Variants in LRRC47 observed in about 807,000 individuals in gnomAD.
The protein encoded by LRRC47 is leucine rich repeat containing 47.
LRRC47 carries 31 observed loss-of-function variants against 40.9 expected under a neutral mutation model. The ratio of observed to expected loss-of-function variants is 0.76; its 90% CI spans 0.57 to 1.02. The LOEUF (loss-of-function observed/expected upper bound fraction) is 1.02, where lower values mean the gene tolerates loss of function less well. LRRC47 is among the 50% of genes least tolerant of loss of function. The pLI, the probability that LRRC47 is intolerant of heterozygous loss-of-function variation, is 0.00. For synonymous variants in LRRC47, 427 were observed against 371.9 expected (o/e 1.15, Z -1.70); for missense variants, 726 against 796.1 (o/e 0.91, Z 1.06).
At chr1:3,795,590 C>T (rs1243512937) in intron 1 of LRRC47, among the ~76,000 whole-genome samples, 1 of 152,228 alleles carries the variant, frequency 6.6e-6, no homozygotes, top group Admixed American at 6.5e-5. Context: ...TACAAAATAG[C>T]GTACCACGTG....
chr1:3,795,760 C>G (rs1454799028), intron 1 of LRRC47, 102 bp downstream of exon 1: 2 of 1,357,744 alleles, frequency 1.5e-6, no homozygotes, highest in Non-Finnish European at 9.6e-7. Context: ...GGGCCCAGTG[C>G]CCCAGGGGGC....
chr1:3,783,879 A>C, intron 4 of LRRC47, 117 bp downstream of exon 4: 3 of 763,624 alleles, frequency 3.9e-6, no homozygotes, highest in Non-Finnish European at 6.3e-6. Flanking sequence ...CCCTGTTAAG[A>C]AGCTTCTGGG....
intron 1 of LRRC47, among the ~76,000 whole-genome samples, chr1:3,791,265 C>G (rs1309654310): frequency 2.6e-5 from 4 of 152,236 alleles, no homozygotes; most frequent in Non-Finnish European, 5.9e-5. Context: ...CTTTAAGCCT[C>G]GTGGTTTCGG....
chr1:3,792,148 C>T (rs1272184802), intron 1 of LRRC47, among the ~76,000 whole-genome samples: 1 of 152,186 alleles, frequency 6.6e-6, no homozygotes, highest in Non-Finnish European at 1.5e-5. Context: ...CCTTTGTGTG[C>T]GAAATTCCAA....
intron 1 of LRRC47, 60 bp downstream of exon 1, chr1:3,795,802 T>C: frequency 6.9e-7 from 1 of 1,445,972 alleles, no homozygotes; most frequent in Admixed American, 2.6e-5. Context: ...CCGAGAGGGG[T>C]TCCTTCTCCA....
chr1:3,788,935 T>C (rs1300247263), intron 1 of LRRC47, among the ~76,000 whole-genome samples: 1 of 152,080 alleles, frequency 6.6e-6, no homozygotes. Context: ...GCCCAGCTGC[T>C]GGGCACTACC....
intron 1 of LRRC47, among the ~76,000 whole-genome samples, chr1:3,795,099 G>T (rs993523819): frequency 6.8e-6 from 1 of 147,516 alleles, no homozygotes; most frequent in African/African-American, 2.5e-5. Flanking sequence ...ATTCAAAGAC[G>T]AAAAATGGGG....
At chr1:3,786,645 G>A (rs1349431598) in intron 2 of LRRC47, among the ~76,000 whole-genome samples, 1 of 152,208 alleles carries the variant, frequency 6.6e-6, no homozygotes, top group African/African-American at 2.4e-5. Flanking sequence ...AGGGGACTGA[G>A]GCCTTACCCC....
At chr1:3,788,194 A>C (rs1196818469) in intron 1 of LRRC47, among the ~76,000 whole-genome samples, 1 of 152,252 alleles carries the variant, frequency 6.6e-6, no homozygotes, top group African/African-American at 2.4e-5. Flanking sequence ...AAAGGGGCCC[A>C]TCCGCCTCCA....
At chr1:3,787,629 A>T (rs1040722861) in intron 1 of LRRC47, among the ~76,000 whole-genome samples, 3 of 152,146 alleles carry the variant, frequency 2.0e-5, no homozygotes, top group African/African-American at 7.2e-5. Flanking sequence ...CTCAATCATC[A>T]CGTTAGAGAA....
chr1:3,781,472 G>A (rs367686621), intron 6 of LRRC47, 40 bp downstream of exon 6: 52 of 1,594,706 alleles, frequency 3.3e-5, no homozygotes, highest in Non-Finnish European at 4.1e-5. Context: ...CACCACTCAC[G>A]CTCAAAAGCG....
rs1212984215 is a variant in LRRC47 at position 3,791,803 on chromosome 1, G to T, written c.615+4059C>A. 2.0e-5 allele frequency among the ~76,000 whole-genome samples: 3 copies of T among 152,004 alleles called. No individual in the cohort carries two copies. The East Asian group carries it at 5.8e-4, about 29-fold the overall frequency. On this transcript the variant is annotated intron_variant, in intron 1 of 6. Transcript: ENST00000378251. Reference sequence around the variant, plus strand: ...GGGTCTAGCTCTGTTGCCCAGGCTGGAGTGCAGTGGTGTGATCATGGCTCA... The same window carrying T: ...GGGTCTAGCTCTGTTGCCCAGGCTGTAGTGCAGTGGTGTGATCATGGCTCA...
rs757817514 is a variant in LRRC47, at chr1:3,787,270, G to A, written c.656C>T (p.Ala219Val). Residue 219 changes from alanine to valine, a missense_variant, in exon 2 of 7, where the codon GCA becomes GTA. Physicochemically the swap from Ala to Val is moderately conservative, Grantham distance 64. Coordinates refer to ENST00000378251, the MANE Select transcript of LRRC47 (RefSeq NM_020710.3). The part of the protein sequence containing the change: ...LSNNQLSEIP[A>V]ELADCPKLKE... ...GAGCTTGGGGCAGTCCGCAAGCTCT[G>A]CAGGGATCTCGCTCAGCTGGTTGTT... is the stretch of plus-strand genomic sequence containing the variant. The A allele has an allele frequency of 1.2e-6, 2 of 1,613,172 alleles. No homozygotes were observed. Among genetic ancestry groups the A allele is most frequent in the East Asian group, 2.2e-5 (1 of 44,884 alleles).
In LRRC47 at chr1:3,779,984, A is replaced by G. The variant is rs1233194113; in HGVS notation, c.*1104T>C. On this transcript the variant is annotated 3_prime_UTR_variant, in exon 7 of 7. Transcript: ENST00000378251. ...AACTTTTCCCCCCAAGATTATGATC[A>G]CTGCCAGCTGGAGAACCCAACGCCC... 6.6e-6 allele frequency: 1 copy of G among 152,190 alleles called. No individual in the cohort carries two copies. The highest frequency in any genetic ancestry group is 1.5e-5 in the Non-Finnish European group (1 of 68,052). The allele number at this position is 152,190 out of a possible 1,614,324, so 9.4% of individuals were successfully genotyped here.
Position 3,796,068 on chromosome 1 carries a change from T to C in LRRC47, c.409A>G (p.Ser137Gly). ...GGCAGCTCGCGCAGCCGGTTGCCGC[T>C]GAGGTTGAGGCTCTGCAGCTGCGGA... ...GLPQLQSLNL[S>G]GNRLRELPAD... Residue 137 changes from serine to glycine, a missense_variant, in exon 1 of 7, where the codon AGC (serine) becomes GGC (glycine). Physicochemically the swap from Ser to Gly is moderately conservative, Grantham distance 56 (BLOSUM62 0). Coordinates refer to ENST00000378251, the MANE Select transcript of LRRC47 (RefSeq NM_020710.3). 6.5e-7 allele frequency: 1 copy of C among 1,534,864 alleles called. No homozygotes were observed. Among genetic ancestry groups the C allele is most frequent in the Non-Finnish European group, 8.7e-7 (1 of 1,144,258 alleles).
intron 1 of LRRC47, 47 bp from the exon 2 acceptor site, chr1:3,787,357 A>G (rs1643585961): frequency 6.4e-7 from 1 of 1,550,770 alleles, no homozygotes; most frequent in East Asian, 2.2e-5. Context: ...CTCTGGGAAG[A>G]GAGTCCAAGG....
In LRRC47 at chr1:3,780,326, A is replaced by C. The variant is rs8379; in HGVS notation, c.*762T>G. 83,869 of 151,962 alleles carry C rather than the reference A, an allele frequency of 0.55. 25,550 individuals are homozygous for C. The highest frequency in any genetic ancestry group is 0.81 in the African/African-American group (33,395 of 41,464). 9.4% of individuals were successfully genotyped at this position (151,962 alleles called of 1,614,324 possible). A position where few individuals can be genotyped will look rare whatever the true frequency, so the allele number is the denominator to read the frequency against. On this transcript the variant is annotated 3_prime_UTR_variant, in exon 7 of 7. Transcript: ENST00000378251. Reference sequence around the variant, plus strand: ...CCCTACTTGATCTACAAGGCCAACGACGAGAGCCCAGACCAGGATTCCAAA... The same window carrying C: ...CCCTACTTGATCTACAAGGCCAACGCCGAGAGCCCAGACCAGGATTCCAAA...
Position 3,795,967 on chromosome 1 carries a change from G to T in LRRC47, c.510C>A (p.Ala170=). 1 of 1,586,962 alleles carries T rather than the reference G, an allele frequency of 6.3e-7. No individual in the cohort carries two copies. Residue 170 remains alanine, a synonymous_variant, in exon 1 of 7, where the codon GCC becomes GCA. Coordinates refer to ENST00000378251, the MANE Select transcript of LRRC47 (RefSeq NM_020710.3). The part of the protein sequence containing the change: ...LTGNCLDSFP[A]ELFRPGALPL... ...GCAGCGCGCCGGGGCGAAAGAGCTC[G>T]GCGGGAAAGGAGTCTAGGCAATTGC...
In LRRC47 at chr1:3,784,067, C is replaced by T. The variant is rs553798562; in HGVS notation, c.1239G>A (p.Val413=). Residue 413 remains valine (V), a synonymous_variant, in exon 4 of 7, where the codon GTG becomes GTA. Coordinates refer to ENST00000378251, the MANE Select transcript of LRRC47 (RefSeq NM_020710.3). ...GRKEAKAKEL[V]RQLQLEAEEQ... is the part of the protein sequence containing the mutation. ...CCTCGGCCTCCAGCTGCAGCTGCCG[C>T]ACCAGCTCCTTGGCCTTGGCTTCTT... is the stretch of plus-strand genomic sequence containing the variant. 6.2e-7 allele frequency: 1 copy of T among 1,613,446 alleles called. No homozygotes were observed. Among genetic ancestry groups the T allele is most frequent in the South Asian group, 1.1e-5 (1 of 90,964 alleles).
Sources: gnomAD v4.1 joint callset for allele counts (sites outside exome capture counted in the v4.1 genomes callset) on GRCh38, gnomAD v4.1.1 for gene constraint, MANE v1.5 for transcripts, NCBI Gene and HGNC (gene_info 2026-07-23, HGNC 2026-07-21) for gene names.